Variants in FAM135B observed in about 807,000 individuals in gnomAD.
FAM135B encodes protein FAM135B.
A neutral mutation model predicts 127.7 loss-of-function variants in FAM135B; 43 were observed. The observed-to-expected ratio is 0.34, with a 90% CI of 0.26 to 0.43. FAM135B has a LOEUF of 0.43. Among genes scored for constraint, FAM135B ranks in the 20% least tolerant of loss-of-function variants. The pLI, the probability that FAM135B is intolerant of heterozygous loss-of-function variation, is 1.00. For missense variants in FAM135B, 1,558 were observed against 1,725.6 expected, an observed-to-expected ratio of 0.90 and a Z score of 1.72; for synonymous variants, 670 against 665.1, an observed-to-expected ratio of 1.01 and a Z score of -0.11.
intron 9 of FAM135B, among the ~76,000 whole-genome samples, chr8:138,194,502 C>T (rs1365077493): frequency 6.6e-6 from 1 of 152,158 alleles, no homozygotes; most frequent in Non-Finnish European, 1.5e-5. Context: ...TTTGTATGCC[C>T]AGGCTCAGGC....
intron 2 of FAM135B, among the ~76,000 whole-genome samples, chr8:138,319,567 T>C (rs994273712): frequency 6.6e-6 from 1 of 152,210 alleles, no homozygotes; most frequent in Admixed American, 6.5e-5. Context: ...AGCTAGGATG[T>C]GGAAAACTTC....
rs1479609247 is a variant in FAM135B at position 138,196,243 on chromosome 8, T to C, written c.824-936A>G. Among the ~76,000 whole-genome samples the C allele has an allele frequency of 3.3e-5, 5 of 152,236 alleles. No homozygotes were observed. In the East Asian group the frequency reaches 9.6e-4, roughly 29 times the overall value. The stretch of plus-strand genomic sequence containing the variant: ...AACTGCTACTGAAAAATCTCCATTT[T>C]TCATTTGAGCTATATAAAGTCACTC... On this transcript the variant is annotated intron_variant, in intron 8 of 19. Coordinates refer to ENST00000395297, the MANE Select transcript of FAM135B (RefSeq NM_015912.4).
chr8:138,250,704 G>T, intron 6 of FAM135B, 137 bp downstream of exon 6: 1 of 929,320 alleles, frequency 1.1e-6, no homozygotes, highest in Non-Finnish European at 1.6e-6. Flanking sequence ...TCCTCAGTGA[G>T]GCCCAAAGCT....
chr8:138,273,869 G>A (rs1230683047), intron 3 of FAM135B, among the ~76,000 whole-genome samples: 1 of 152,042 alleles, frequency 6.6e-6, no homozygotes, highest in Non-Finnish European at 1.5e-5. Context: ...GTTACTAGCT[G>A]TGCTCCTTCC....
intron 2 of FAM135B, among the ~76,000 whole-genome samples, chr8:138,317,336 G>T (rs570982247): frequency 3.7e-4 from 57 of 152,306 alleles, no homozygotes; most frequent in African/African-American, 1.3e-3. Context: ...ATTAGTGGCT[G>T]CCAGGGGTTG....
chr8:138,214,229 C>G (rs1818369397), intron 7 of FAM135B, among the ~76,000 whole-genome samples: 1 of 152,184 alleles, frequency 6.6e-6, no homozygotes, highest in Non-Finnish European at 1.5e-5. Context: ...CTCAAATACT[C>G]TTACTATTTC....
intron 2 of FAM135B, among the ~76,000 whole-genome samples, chr8:138,360,753 TC>T (rs376337796): frequency 2.8e-4 from 43 of 152,246 alleles, no homozygotes; most frequent in African/African-American, 8.2e-4. Flanking sequence ...ATTTCAGTTT[TC>T]CAGGAACTTC....
intron 1 of FAM135B, among the ~76,000 whole-genome samples, chr8:138,390,404 T>C (rs1023426308): frequency 6.6e-6 from 1 of 152,158 alleles, no homozygotes; most frequent in Non-Finnish European, 1.5e-5. Flanking sequence ...TCTGCCGTCA[T>C]GTAAGATGTG....
At chr8:138,474,379 T>C (rs1284381798) in intron 1 of FAM135B, among the ~76,000 whole-genome samples, 1 of 152,180 alleles carries the variant, frequency 6.6e-6, no homozygotes, top group Non-Finnish European at 1.5e-5. Context: ...TGACTTATGA[T>C]ACATGTTTGT....
At chr8:138,159,438 A>T (rs12675988) in intron 12 of FAM135B, among the ~76,000 whole-genome samples, 1 of 150,182 alleles carries the variant, frequency 6.7e-6, no homozygotes, top group South Asian at 2.1e-4. Flanking sequence ...AAAAGGATGA[A>T]TTCATGTCCT....
At chr8:138,393,563 G>A (rs1428556034) in intron 1 of FAM135B, among the ~76,000 whole-genome samples, 3 of 152,150 alleles carry the variant, frequency 2.0e-5, no homozygotes, top group Non-Finnish European at 4.4e-5. Context: ...GGCTGGGGGA[G>A]GGGTACAGAT....
At chr8:138,389,693 A>C (rs1363547813) in intron 1 of FAM135B, among the ~76,000 whole-genome samples, 1 of 152,322 alleles carries the variant, frequency 6.6e-6, no homozygotes, top group East Asian at 1.9e-4. Flanking sequence ...CATGCAAATA[A>C]GATTTCCTTC....
chr8:138,242,848 G>A lies in FAM135B; in HGVS notation c.669+94C>T. ...GGTCAAATTAGCAAAAATCTCTGAA[G>A]GGGATGTTTCAAAGAAGCATGAATC... On this transcript the variant is annotated intron_variant, in intron 7 of 19. Transcript: ENST00000395297. The surrounding 1 kb of genome is among the most constrained non-coding windows in gnomAD (Gnocchi z 9.6). The A allele has an allele frequency of 6.8e-7, 1 of 1,476,274 alleles. No individual in the cohort carries two copies. Among genetic ancestry groups the A allele is most frequent in the Non-Finnish European group, 9.0e-7 (1 of 1,106,218 alleles). The allele number at this position is 1,476,274 out of a possible 1,614,324, so 91.4% of individuals were successfully genotyped here. A position where few individuals can be genotyped will look rare whatever the true frequency, so the allele number is the denominator to read the frequency against.
intron 1 of FAM135B, among the ~76,000 whole-genome samples, chr8:138,490,832 G>GA (rs2131696707): frequency 6.6e-6 from 1 of 152,196 alleles, no homozygotes; most frequent in East Asian, 1.9e-4. Context: ...TGAAATTAAA[G>GA]AAAAAACTCT....
At chr8:138,376,382 T>C (rs1016547875) in intron 1 of FAM135B, among the ~76,000 whole-genome samples, 6 of 152,186 alleles carry the variant, frequency 3.9e-5, no homozygotes, top group Non-Finnish European at 8.8e-5. Flanking sequence ...TCCTCTTTCC[T>C]GAATATTCCC....
chr8:138,458,950 C>A (rs2131610429), intron 1 of FAM135B, among the ~76,000 whole-genome samples: 1 of 152,216 alleles, frequency 6.6e-6, no homozygotes, highest in Admixed American at 6.5e-5. Flanking sequence ...CCGGCATGTA[C>A]TGGTGGCCAC....
chr8:138,344,564 ACTTT>A (rs371471185), intron 2 of FAM135B, among the ~76,000 whole-genome samples: 1,487 of 114,148 alleles, frequency 0.013, 72 homozygotes, highest in Middle Eastern at 0.024. Flanking sequence ...CTCTTGCTAC[ACTTT>A]CTTTCTTTCT....
At chr8:138,484,153 GT>G (rs1235495783) in intron 1 of FAM135B, among the ~76,000 whole-genome samples, 1 of 152,064 alleles carries the variant, frequency 6.6e-6, no homozygotes, top group Non-Finnish European at 1.5e-5. Flanking sequence ...AATTCTATGA[GT>G]TTTTTTCAAG....
At chr8:138,216,042 A>G (rs1262293864) in intron 7 of FAM135B, among the ~76,000 whole-genome samples, 1 of 152,182 alleles carries the variant, frequency 6.6e-6, no homozygotes, top group Admixed American at 6.5e-5. Flanking sequence ...TGTTACAGTG[A>G]ACAGTACAGT....
Sources: gnomAD v4.1 joint callset for allele counts (sites outside exome capture counted in the v4.1 genomes callset) on GRCh38, gnomAD v4.1.1 for gene constraint, Gnocchi (gnomAD v3.1) non-coding constraint, MANE v1.5 for transcripts, NCBI Gene and HGNC (gene_info 2026-07-23, HGNC 2026-07-21) for gene names.